The following ABCB1 variants were observed in gnomAD, a reference collection of about 807,000 sequenced individuals.
ABCB1 encodes ATP-dependent translocase ABCB1.
Under a neutral mutation model 142.0 loss-of-function variants are expected in ABCB1, and 69 were observed. That is an observed-to-expected ratio of 0.49 (90% CI 0.40 to 0.59). The LOEUF (loss-of-function observed/expected upper bound fraction) is 0.59. Ranked by LOEUF, ABCB1 falls within the 20% of genes least tolerant of loss-of-function variation. The pLI, the probability that ABCB1 is intolerant of heterozygous loss-of-function variation, is 0.00. For missense variants in ABCB1, 1,326 were observed against 1,554.7 expected (o/e 0.85, Z 2.47); for synonymous variants, 532 against 539.2 (o/e 0.99, Z 0.18).
chr7:87,619,664 T>C (rs1356306277), intron 1 of ABCB1, among the ~76,000 whole-genome samples: 1 of 152,016 alleles, frequency 6.6e-6, no homozygotes, highest in Non-Finnish European at 1.5e-5. Context: ...GAGTTGAAGA[T>C]TGCTGCTGTC....
intron 1 of ABCB1, among the ~76,000 whole-genome samples, chr7:87,700,998 A>G (rs1407422551): frequency 6.6e-6 from 1 of 152,202 alleles, no homozygotes; most frequent in Non-Finnish European, 1.5e-5. Flanking sequence ...CTTAAGAATG[A>G]CCATGATGGT....
At chr7:87,537,926 A>G (rs944743463) in intron 19 of ABCB1, among the ~76,000 whole-genome samples, 4 of 152,194 alleles carry the variant, frequency 2.6e-5, no homozygotes, top group Non-Finnish European at 5.9e-5. Flanking sequence ...CATTTTTCCC[A>G]AAAATATTTA....
intron 1 of ABCB1, among the ~76,000 whole-genome samples, chr7:87,662,218 G>T (rs1344289917): frequency 1.3e-5 from 2 of 152,038 alleles, no homozygotes; most frequent in Non-Finnish European, 2.9e-5. Flanking sequence ...TCACTTTGTT[G>T]ATTGTTTACT....
intron 1 of ABCB1, among the ~76,000 whole-genome samples, chr7:87,680,891 C>T (rs1367076898): frequency 6.7e-6 from 1 of 150,136 alleles, no homozygotes; most frequent in Non-Finnish European, 1.5e-5. Context: ...TAGATAAAAG[C>T]AGAAATCAAT....
chr7:87,583,868 A>G lies in ABCB1; in HGVS notation c.286+1644T>C, dbSNP rs980547936. Reference sequence around the variant, plus strand: ...CTGGATGGACAGAGATGTACCCATTAGGCCTGCTGAGCCACCAGAGAGTGA... The same window carrying G: ...CTGGATGGACAGAGATGTACCCATTGGGCCTGCTGAGCCACCAGAGAGTGA... On this transcript the variant is annotated intron_variant, in intron 4 of 27. Transcript: ENST00000622132. Among the ~76,000 whole-genome samples the G allele has an allele frequency of 3.9e-5, 6 of 152,324 alleles. No homozygotes were observed. The East Asian group carries it at 1.2e-3, about 29-fold the overall frequency.
intron 24 of ABCB1, among the ~76,000 whole-genome samples, chr7:87,516,116 C>T (rs1175045890): frequency 4.6e-5 from 7 of 152,070 alleles, no homozygotes; most frequent in African/African-American, 7.2e-5. Context: ...CATGATGGCA[C>T]ACGCTTGTAG....
chr7:87,614,006 T>C (rs1050298009), intron 1 of ABCB1, among the ~76,000 whole-genome samples: 2 of 152,198 alleles, frequency 1.3e-5, no homozygotes, highest in East Asian at 1.9e-4. Context: ...TTTAGTTTTA[T>C]GATAATATTT....
At chr7:87,519,576 T>G (rs1257061432) in intron 22 of ABCB1, 110 bp from the exon 23 acceptor site, 1 of 1,332,166 alleles carries the variant, frequency 7.5e-7, no homozygotes, top group African/African-American at 1.4e-5. Flanking sequence ...CAAAAATGGG[T>G]TTCGTTTCCA....
intron 25 of ABCB1, 136 bp downstream of exon 25, chr7:87,515,095 T>C: frequency 3.5e-6 from 4 of 1,158,512 alleles, no homozygotes; most frequent in Non-Finnish European, 4.9e-6. Context: ...AGACCATATT[T>C]AGGCTCTCAG....
rs1816675695 is a variant in ABCB1, at chr7:87,544,347, A to T, written c.2065-72T>A. On this transcript the variant is annotated intron_variant, in intron 16 of 27. Transcript: ENST00000622132. ...TGTACAATTCTTACATACGCACAAA[A>T]ATTAGTAAAGGAATATATCCTATCC... is the stretch of plus-strand genomic sequence containing the variant. 2.7e-6 allele frequency: 4 copies of T among 1,471,286 alleles called. No homozygotes were observed. In the East Asian group the frequency reaches 9.1e-5, roughly 33 times the overall value. 91.1% of individuals were successfully genotyped at this position (1,471,286 alleles called of 1,614,324 possible).
chr7:87,526,523 A>G (rs1255409701), intron 21 of ABCB1, among the ~76,000 whole-genome samples: 1 of 151,790 alleles, frequency 6.6e-6, no homozygotes, highest in Non-Finnish European at 1.5e-5. Flanking sequence ...TCTACAAAAA[A>G]TTTATTAAAA....
chr7:87,555,113 A>C (rs945164121), intron 8 of ABCB1, among the ~76,000 whole-genome samples: 1 of 152,240 alleles, frequency 6.6e-6, no homozygotes, highest in Non-Finnish European at 1.5e-5. Context: ...GGAACAGAGA[A>C]GACTACTCTG....
intron 1 of ABCB1, among the ~76,000 whole-genome samples, chr7:87,670,216 A>C (rs1347980110): frequency 6.6e-6 from 1 of 152,134 alleles, no homozygotes; most frequent in African/African-American, 2.4e-5. Flanking sequence ...ATTTCAGAGA[A>C]CCAGTCTTCA....
At chr7:87,659,156 T>C in intron 1 of ABCB1, 1 of 400,234 alleles carries the variant, frequency 2.5e-6, no homozygotes, top group South Asian at 1.9e-5. Flanking sequence ...AATGAGACCC[T>C]GTCTCAAAAC....
chr7:87,687,518 CT>C (rs1406910670), intron 1 of ABCB1, among the ~76,000 whole-genome samples: 1 of 152,036 alleles, frequency 6.6e-6, no homozygotes, highest in Non-Finnish European at 1.5e-5. Context: ...CTTTCTTCAC[CT>C]CCACTAAAAC....
At chr7:87,554,019 T>C (rs1445722698) in intron 8 of ABCB1, 87 bp from the exon 9 acceptor site, 2 of 1,267,348 alleles carry the variant, frequency 1.6e-6, no homozygotes, top group Non-Finnish European at 2.3e-6. Flanking sequence ...CTAGGATGTG[T>C]TCAGTCCTGT....
At chr7:87,512,081 TA>T (rs1250874061) in intron 25 of ABCB1, among the ~76,000 whole-genome samples, 1 of 151,940 alleles carries the variant, frequency 6.6e-6, no homozygotes, top group Non-Finnish European at 1.5e-5. Flanking sequence ...ATAAATTACC[TA>T]AAAATGAAAA....
At chr7:87,592,825 A>G (rs1028549922) in intron 3 of ABCB1, among the ~76,000 whole-genome samples, 6 of 152,164 alleles carry the variant, frequency 3.9e-5, no homozygotes, top group African/African-American at 1.2e-4. Context: ...TAACATTGTT[A>G]GGTATTATCT....
chr7:87,526,454 G>A (rs1815787809), intron 21 of ABCB1, among the ~76,000 whole-genome samples: 1 of 151,910 alleles, frequency 6.6e-6, no homozygotes, highest in Non-Finnish European at 1.5e-5. Context: ...ACTAAGGCAG[G>A]AGGATCGCTT....
Sources: allele counts gnomAD v4.1 joint callset (sites outside exome capture counted in the v4.1 genomes callset), GRCh38; gene constraint gnomAD v4.1.1; transcripts MANE v1.5; gene names NCBI Gene and HGNC (gene_info 2026-07-23, HGNC 2026-07-21).